NDST4: variants seen among roughly 807,000 people sequenced by gnomAD.
NDST4 encodes N-deacetylase and N-sulfotransferase 4.
NDST4 carries 63 observed loss-of-function variants against 100.8 expected under a neutral mutation model. The observed-to-expected ratio is 0.62, with a 90% confidence interval of 0.51 to 0.77. The LOEUF (loss-of-function observed/expected upper bound fraction) is 0.77. NDST4 is among the 30% of genes least tolerant of loss of function. The pLI is 0.00. For synonymous variants in NDST4, 377 were observed against 361.8 expected (o/e 1.04, Z -0.48); for missense variants, 943 against 1,018.4 (o/e 0.93, Z 1.01).
intron 11 of NDST4, among the ~76,000 whole-genome samples, chr4:114,835,669 C>T (rs1033122995): frequency 1.3e-5 from 2 of 152,096 alleles, no homozygotes; most frequent in African/African-American, 4.8e-5. Context: ...TCCTGGATAT[C>T]CTTGTTAATT....
chr4:114,946,631 C>T (rs1279931200), intron 4 of NDST4, among the ~76,000 whole-genome samples: 1 of 152,122 alleles, frequency 6.6e-6, no homozygotes, highest in Non-Finnish European at 1.5e-5. Flanking sequence ...ATTGTTTTTG[C>T]AGCAGAGTTA....
At chr4:114,836,637 T>C (rs1037044491) in intron 11 of NDST4, among the ~76,000 whole-genome samples, 2 of 152,176 alleles carry the variant, frequency 1.3e-5, no homozygotes, top group Admixed American at 6.5e-5. Flanking sequence ...GTGATCTCTG[T>C]ATTTCTTGAA....
chr4:115,054,467 A>AT (rs1347244977), intron 2 of NDST4, among the ~76,000 whole-genome samples: 1 of 152,186 alleles, frequency 6.6e-6, no homozygotes, highest in Admixed American at 6.5e-5. Flanking sequence ...ACAATAAGAA[A>AT]TTTTATGTTT....
At chr4:114,972,889 A>C (rs188057571) in intron 3 of NDST4, among the ~76,000 whole-genome samples, 163 of 152,216 alleles carry the variant, frequency 1.1e-3, no homozygotes, top group African/African-American at 3.7e-3. Flanking sequence ...GACTGATCAT[A>C]AAATCTTAGC....
rs568206419 is a variant in NDST4, at chr4:114,898,410, C to G, written c.1537-27460G>C. 2.0e-5 allele frequency among the ~76,000 whole-genome samples: 3 copies of G among 152,168 alleles called. No individual in the cohort carries two copies. In the South Asian group the frequency reaches 6.2e-4, roughly 32 times the overall value. On this transcript the variant is annotated intron_variant, in intron 6 of 13. Coordinates refer to ENST00000264363, the MANE Select transcript of NDST4 (RefSeq NM_022569.3). ...GGATTTTCTACTATCTTCCATTGAT[C>G]TATTTGTCTGTTGTTTCATTAGCAC...
intron 6 of NDST4, among the ~76,000 whole-genome samples, chr4:114,871,833 C>A (rs572833838): frequency 2.0e-5 from 3 of 151,868 alleles, no homozygotes; most frequent in Admixed American, 2.0e-4. Context: ...TTACTATTTA[C>A]TGTATTGATC....
intron 6 of NDST4, among the ~76,000 whole-genome samples, chr4:114,926,989 A>G (rs1725398877): frequency 6.6e-6 from 1 of 152,056 alleles, no homozygotes; most frequent in South Asian, 2.1e-4. Flanking sequence ...AAAATTCAAA[A>G]TGGTCCTGCA....
intron 4 of NDST4, among the ~76,000 whole-genome samples, chr4:114,963,922 A>G (rs1203453373): frequency 1.3e-5 from 2 of 152,174 alleles, no homozygotes; most frequent in African/African-American, 2.4e-5. Flanking sequence ...TCTTCCAACT[A>G]GTTATCGCTG....
At chr4:115,002,688 G>C (rs993477128) in intron 2 of NDST4, among the ~76,000 whole-genome samples, 1 of 152,012 alleles carries the variant, frequency 6.6e-6, no homozygotes. Flanking sequence ...CAAGGATCTA[G>C]AAACAGAAAT....
chr4:114,925,194 A>G (rs1193662714), intron 6 of NDST4, among the ~76,000 whole-genome samples: 1 of 152,144 alleles, frequency 6.6e-6, no homozygotes, highest in Non-Finnish European at 1.5e-5. Flanking sequence ...ATAAACCACA[A>G]TGTTTATAGG....
intron 2 of NDST4, among the ~76,000 whole-genome samples, chr4:115,045,123 T>G (rs1728437665): frequency 6.6e-6 from 1 of 151,930 alleles, no homozygotes; most frequent in Non-Finnish European, 1.5e-5. Flanking sequence ...ATAAGAGAAA[T>G]CCACAAAAAT....
intron 4 of NDST4, among the ~76,000 whole-genome samples, chr4:114,953,518 G>T (rs374176337): frequency 6.8e-4 from 103 of 152,210 alleles, no homozygotes; most frequent in African/African-American, 2.4e-3. Flanking sequence ...TATAATATCA[G>T]CAGATTCCAA....
chr4:114,879,904 T>C (rs1724330970), intron 6 of NDST4, among the ~76,000 whole-genome samples: 1 of 152,194 alleles, frequency 6.6e-6, no homozygotes, highest in Non-Finnish European at 1.5e-5. Flanking sequence ...TCAGACTAAA[T>C]GCAACTGAAG....
intron 2 of NDST4, among the ~76,000 whole-genome samples, chr4:115,065,447 T>C (rs1560586722): frequency 6.6e-6 from 1 of 152,192 alleles, no homozygotes; most frequent in Non-Finnish European, 1.5e-5. Flanking sequence ...CTGTCACTTA[T>C]TAGCCATATA....
chr4:114,972,828 A>G (rs1019225353), intron 3 of NDST4, among the ~76,000 whole-genome samples: 26 of 152,056 alleles, frequency 1.7e-4, no homozygotes, highest in African/African-American at 6.3e-4. Flanking sequence ...TAGGAGGTCA[A>G]TTACTCAATT....
chr4:114,939,316 T>A (rs981003444), intron 4 of NDST4, among the ~76,000 whole-genome samples: 1 of 152,176 alleles, frequency 6.6e-6, no homozygotes, highest in Non-Finnish European at 1.5e-5. Context: ...TGAATGTGCC[T>A]AGAGAGGTGC....
intron 2 of NDST4, among the ~76,000 whole-genome samples, chr4:115,044,450 G>A (rs1728422137): frequency 6.6e-6 from 1 of 151,976 alleles, no homozygotes; most frequent in South Asian, 2.1e-4. Context: ...ATGTTAGTGA[G>A]GGAAAACAAA....
intron 4 of NDST4, among the ~76,000 whole-genome samples, chr4:114,945,567 G>A (rs1725844373): frequency 6.6e-6 from 1 of 152,144 alleles, no homozygotes; most frequent in Non-Finnish European, 1.5e-5. Context: ...TTAGTGTGAA[G>A]AGAAAACAAT....
chr4:115,076,526 T>A lies in NDST4; in HGVS notation c.511A>T (p.Ser171Cys). Reference sequence around the variant, plus strand: ...CCTTTTAATTGTGTACTTGGTAAGCTGTTCTCATTGGCTTTATGAAAACCG... The same window carrying A: ...CCTTTTAATTGTGTACTTGGTAAGCAGTTCTCATTGGCTTTATGAAAACCG... ...IIGFHKANEN[S>C]LPSTQLKGFP... Residue 171 changes from serine to cysteine, a missense_variant, in exon 2 of 14, where the codon AGC becomes TGC. Transcript: ENST00000264363. 1 of 1,614,024 alleles carries A rather than the reference T, an allele frequency of 6.2e-7. No individual in the cohort carries two copies. The highest frequency in any genetic ancestry group is 1.1e-5 in the South Asian group (1 of 91,082).
Sources: allele counts gnomAD v4.1 joint callset (sites outside exome capture counted in the v4.1 genomes callset), GRCh38; gene constraint gnomAD v4.1.1; transcripts MANE v1.5; gene names NCBI Gene and HGNC (gene_info 2026-07-23, HGNC 2026-07-21).